The following CUX2 variants were observed in gnomAD, a reference collection of about 807,000 sequenced individuals.
CUX2 encodes cut like homeobox 2, also known as homeobox protein cut-like 2.
In CUX2, 40 loss-of-function variants were observed where a neutral mutation model predicts 144.8. The ratio of observed to expected loss-of-function variants is 0.28; its 90% CI spans 0.21 to 0.36. The LOEUF is 0.36. Among genes scored for constraint, CUX2 ranks in the 10% least tolerant of loss-of-function variants. The pLI is 1.00. For missense variants in CUX2, 1,615 were observed against 1,994.0 expected (o/e 0.81, Z 3.62); for synonymous variants, 827 against 875.6 (o/e 0.94, Z 0.98).
chr12:111,278,488 G>A (rs963002860), intron 4 of CUX2, among the ~76,000 whole-genome samples: 4 of 152,268 alleles, frequency 2.6e-5, no homozygotes, highest in Middle Eastern at 3.4e-3. Flanking sequence ...CCATTATTCT[G>A]CCTGCCACAG....
chr12:111,214,669 G>C (rs1881431532), intron 2 of CUX2, among the ~76,000 whole-genome samples: 1 of 152,138 alleles, frequency 6.6e-6, no homozygotes, highest in African/African-American at 2.4e-5. Context: ...TCTGGAAGAA[G>C]ACAGCCGTCG....
chr12:111,323,015 G>C (rs565665261), intron 18 of CUX2, among the ~76,000 whole-genome samples: 2 of 152,332 alleles, frequency 1.3e-5, no homozygotes, highest in South Asian at 4.1e-4. Flanking sequence ...ATGATAGCAC[G>C]AGCAGGCTGG....
At chr12:111,144,072 C>T (rs1015287406) in intron 1 of CUX2, among the ~76,000 whole-genome samples, 1 of 152,152 alleles carries the variant, frequency 6.6e-6, no homozygotes, top group Non-Finnish European at 1.5e-5. Flanking sequence ...AGGCAGTGGA[C>T]CCCCCACTGC....
intron 1 of CUX2, chr12:111,099,927 C>A (rs769784496): frequency 2.2e-6 from 1 of 456,362 alleles, no homozygotes; most frequent in Non-Finnish European, 4.4e-6. Flanking sequence ...ATGTTTATTG[C>A]AGAGCAGAAC....
intron 18 of CUX2, among the ~76,000 whole-genome samples, chr12:111,327,478 C>G (rs758224405): frequency 1.3e-5 from 2 of 152,152 alleles, no homozygotes; most frequent in Non-Finnish European, 2.9e-5. Context: ...CAGGTCCTTA[C>G]CAACATGGGT....
Position 111,296,387 on chromosome 12 carries a change from CAGA to C in CUX2, c.638-83_638-81del, listed in dbSNP as rs1222181080. On this transcript the variant is annotated intron_variant, in intron 7 of 21. Coordinates refer to ENST00000261726, the MANE Select transcript of CUX2 (RefSeq NM_015267.4). ...CTCTCATTCTGCCTGCTGGGCTTCGCAGAAGGAGTGGGCTCCACCTCCCTGGGA... is the reference window on the plus strand; with the variant it reads ...CTCTCATTCTGCCTGCTGGGCTTCGCAGGAGTGGGCTCCACCTCCCTGGGA... The C allele has an allele frequency of 9.7e-6, 12 of 1,239,348 alleles. No homozygotes were observed. The Admixed American group carries it at 1.2e-4, about 13-fold the overall frequency. 76.8% of individuals were successfully genotyped at this position (1,239,348 alleles called of 1,614,324 possible). A position where few individuals can be genotyped will look rare whatever the true frequency, so the allele number is the denominator to read the frequency against.
rs112822535 is a variant in CUX2 at position 111,169,424 on chromosome 12, C to G, written c.64-44776C>G. ...GTTGGTGGTAATTCATCACAGCGTCCGTAGGAACAGAACCCCCTTTCCCCA... is the reference window on the plus strand; with the variant it reads ...GTTGGTGGTAATTCATCACAGCGTCGGTAGGAACAGAACCCCCTTTCCCCA... On this transcript the variant is annotated intron_variant, in intron 1 of 21. Coordinates refer to ENST00000261726, the MANE Select transcript of CUX2 (RefSeq NM_015267.4). Among the ~76,000 whole-genome samples, 697 of 152,254 alleles carry G rather than the reference C, an allele frequency of 4.6e-3. 10 individuals carry two copies. Among genetic ancestry groups the G allele is most frequent in the African/African-American group, 0.016 (669 of 41,544 alleles).
In CUX2 at chr12:111,349,515, G is replaced by C. The variant is rs1049825745; in HGVS notation, c.*1190G>C. ...TTGACCGTGGTGCTGTTTCTGGAAG[G>C]CATCTGCAACTCCAAGTCCATGCAG... On this transcript the variant is annotated 3_prime_UTR_variant, in exon 22 of 22. Coordinates refer to ENST00000261726, the MANE Select transcript of CUX2 (RefSeq NM_015267.4). 1 of 152,190 alleles carries C rather than the reference G, an allele frequency of 6.6e-6. No individual in the cohort carries two copies. Among genetic ancestry groups the C allele is most frequent in the Non-Finnish European group, 1.5e-5 (1 of 68,074 alleles). 9.4% of individuals were successfully genotyped at this position (152,190 alleles called of 1,614,324 possible).
rs1592950620 is a variant in CUX2 at position 111,310,827 on chromosome 12, G to A, written c.1900+145G>A. On this transcript the variant is annotated intron_variant, in intron 15 of 21. Transcript: ENST00000261726. This position sits in a 1 kb window ranked among gnomAD's most constrained non-coding sequence, Gnocchi z 7.9. Reference sequence around the variant, plus strand: ...TGACCCAGGGCCAGTGGCTTTGCCTGTCTGTGCCTCAGTTTCCCCTCTGTA... The same window carrying A: ...TGACCCAGGGCCAGTGGCTTTGCCTATCTGTGCCTCAGTTTCCCCTCTGTA... The A allele has an allele frequency of 4.5e-6, 4 of 885,158 alleles. No homozygotes were observed. Among genetic ancestry groups the A allele is most frequent in the East Asian group, 5.4e-5 (2 of 36,816 alleles). 54.8% of individuals were successfully genotyped at this position (885,158 alleles called of 1,614,324 possible).
rs1869379249 is a variant in CUX2, at chr12:111,035,332, T to C, written c.63+1092T>C. Among the ~76,000 whole-genome samples, 1 of 152,126 alleles carries C rather than the reference T, an allele frequency of 6.6e-6. No individual in the cohort carries two copies. Among genetic ancestry groups the C allele is most frequent in the Admixed American group, 6.5e-5 (1 of 15,288 alleles). On this transcript the variant is annotated intron_variant, in intron 1 of 21. Coordinates refer to ENST00000261726, the MANE Select transcript of CUX2 (RefSeq NM_015267.4). The surrounding 1 kb of genome is among the most constrained non-coding windows in gnomAD (Gnocchi z 6.0). ...GGAGTCTGTGTGCCTCCCCTAGATT[T>C]GGAGGTGTTCTCTGCGGACCCCGTA...
intron 3 of CUX2, among the ~76,000 whole-genome samples, chr12:111,248,802 G>C (rs954740671): frequency 1.3e-5 from 2 of 152,214 alleles, no homozygotes; most frequent in African/African-American, 4.8e-5. Flanking sequence ...AGGGTGGCCA[G>C]ATCCTCTAAT....
At chr12:111,154,194 C>A (rs1260915406) in intron 1 of CUX2, among the ~76,000 whole-genome samples, 2 of 151,926 alleles carry the variant, frequency 1.3e-5, no homozygotes, top group Non-Finnish European at 2.9e-5. Context: ...TTGCAGCAGG[C>A]TCGCTGGGGC....
chr12:111,044,353 G>A (rs186996479), intron 1 of CUX2, among the ~76,000 whole-genome samples: 153 of 151,990 alleles, frequency 1.0e-3, no homozygotes, highest in Middle Eastern at 3.4e-3. Context: ...CAGGTTTTAG[G>A]ATCCCCTCAT....
At chr12:111,123,039 A>T (rs1348832779) in intron 1 of CUX2, among the ~76,000 whole-genome samples, 1 of 152,222 alleles carries the variant, frequency 6.6e-6, no homozygotes, top group Non-Finnish European at 1.5e-5. Context: ...CGATGCAGCC[A>T]CAAGGTCTGG....
At chr12:111,274,722 C>T (rs1884778720) in intron 4 of CUX2, among the ~76,000 whole-genome samples, 1 of 152,188 alleles carries the variant, frequency 6.6e-6, no homozygotes, top group African/African-American at 2.4e-5. Flanking sequence ...CCTGAGCCTC[C>T]CACCCCCGCA....
chr12:111,294,649 C>T (rs1334372825), intron 6 of CUX2, among the ~76,000 whole-genome samples: 1 of 151,122 alleles, frequency 6.6e-6, no homozygotes, highest in Admixed American at 6.6e-5. Context: ...ATAATCCCAG[C>T]ACTTTGAGAG....
chr12:111,254,099 G>A (rs79503115), intron 3 of CUX2, among the ~76,000 whole-genome samples: 7,282 of 152,092 alleles, frequency 0.048, 602 homozygotes, highest in African/African-American at 0.17. Context: ...AAATGGAGCA[G>A]TGTTTGGATA....
intron 1 of CUX2, among the ~76,000 whole-genome samples, chr12:111,152,735 G>A (rs1414120962): frequency 6.6e-6 from 1 of 152,208 alleles, no homozygotes; most frequent in Non-Finnish European, 1.5e-5. Flanking sequence ...AACTCGCAAC[G>A]CCTTGGCAGG....
chr12:111,040,429 C>T (rs571864827), intron 1 of CUX2, among the ~76,000 whole-genome samples: 30 of 152,244 alleles, frequency 2.0e-4, no homozygotes, highest in Non-Finnish European at 2.9e-4. Context: ...CAGCGGCCTT[C>T]TCTTTGTCCC....
Sources: gnomAD v4.1 joint callset for allele counts (sites outside exome capture counted in the v4.1 genomes callset) on GRCh38, gnomAD v4.1.1 for gene constraint, Gnocchi (gnomAD v3.1) non-coding constraint, MANE v1.5 for transcripts, NCBI Gene and HGNC (gene_info 2026-07-23, HGNC 2026-07-21) for gene names.